Variants in SUSD1 observed in about 807,000 individuals in gnomAD.
SUSD1 encodes the protein sushi domain containing 1.
A neutral mutation model predicts 86.9 loss-of-function variants in SUSD1; 65 were observed. The ratio of observed to expected loss-of-function variants is 0.75; its 90% confidence interval spans 0.61 to 0.92. The LOEUF is 0.92. SUSD1 is among the 40% of genes least tolerant of loss of function. The pLI is 0.00. For missense variants in SUSD1, 850 were observed against 929.7 expected (o/e 0.91, Z 1.11); for synonymous variants, 346 against 350.0 (o/e 0.99, Z 0.13).
chr9:112,146,250 G>A (rs962187863), intron 3 of SUSD1: 1 of 152,226 alleles, frequency 6.6e-6, no homozygotes, highest in African/African-American at 2.4e-5. Context: ...CACAAGGAAA[G>A]GTCATGGGAA....
rs796764272 is a variant in SUSD1, at chr9:112,078,811, C to G, written c.1567-87G>C. 2.8e-4 allele frequency: 182 copies of G among 641,378 alleles called. 6 individuals are homozygous for G. In the African/African-American group the frequency reaches 3.8e-3, roughly 13 times the overall value. The allele number at this position is 641,378 out of a possible 1,614,324, so 39.7% of individuals were successfully genotyped here. A position where few individuals can be genotyped will look rare whatever the true frequency, so the allele number is the denominator to read the frequency against. ...ACCTCCCCTTTTCCTTTTTCTTTCT[C>G]TTTTTTTTTTTTTTTTTTTGAGATG... is the stretch of plus-strand genomic sequence containing the variant. On this transcript the variant is annotated intron_variant, in intron 11 of 16. Coordinates refer to ENST00000374270, the MANE Select transcript of SUSD1 (RefSeq NM_022486.5).
intron 1 of SUSD1, among the ~76,000 whole-genome samples, chr9:112,174,471 C>A (rs1834179793): frequency 6.6e-6 from 1 of 152,168 alleles, no homozygotes; most frequent in Non-Finnish European, 1.5e-5. Flanking sequence ...AAAAACAACT[C>A]CCTCGATTGC....
chr9:112,103,067 C>T (rs539061104), intron 8 of SUSD1: 1 of 397,876 alleles, frequency 2.5e-6, no homozygotes, highest in Non-Finnish European at 5.0e-6. Context: ...AACAAGACTG[C>T]ATGTTTTCTA....
At position 112,149,249 on chromosome 9, in the gene SUSD1, C is replaced by T. The variant is rs769777835; in HGVS notation, c.368G>A (p.Cys123Tyr). 27 of 1,614,132 alleles carry T rather than the reference C, an allele frequency of 1.7e-5. No individual in the cohort carries two copies. In the South Asian group the frequency reaches 1.8e-4, roughly 11 times the overall value. The change falls in exon 3 of 17, where the codon TGT becomes TAT. Residue 123 changes from cysteine (C) to tyrosine (Y), a missense_variant. Transcript: ENST00000374270. ...KTFIPNDGTF[C>Y]TDIDECEVSG... ...GCAGCCCCCTTCTTGAGTACCTGTA[C>T]AAAAGGTGCCATCGTTGGGAATGAA...
chr9:112,041,931 C>T lies in SUSD1; in HGVS notation c.2179G>A (p.Gly727Ser), dbSNP rs780435594. ...ACAGCCAGGGAACCCAGTCCAACACCCGCCATCTGCAGCAGCATGAGTGAC... is the reference window on the plus strand; with the variant it reads ...ACAGCCAGGGAACCCAGTCCAACACTCGCCATCTGCAGCAGCATGAGTGAC... ...DSSLMLLQMAGVGLGSLAVVI... is the reference protein window; with the variant it reads ...DSSLMLLQMASVGLGSLAVVI... The change falls in exon 16 of 17, where the codon GGT becomes AGT. Residue 727 changes from glycine to serine, a missense_variant. Gly to Ser is a moderately conservative substitution (Grantham distance 56, BLOSUM62 0). Coordinates refer to ENST00000374270, the MANE Select transcript of SUSD1 (RefSeq NM_022486.5). The T allele has an allele frequency of 4.6e-5, 74 of 1,613,930 alleles. No individual in the cohort carries two copies. The highest frequency in any genetic ancestry group is 6.1e-5 in the Non-Finnish European group (72 of 1,179,978).
At chr9:112,110,951 T>A (rs1831069893) in intron 8 of SUSD1, among the ~76,000 whole-genome samples, 1 of 152,112 alleles carries the variant, frequency 6.6e-6, no homozygotes, top group Admixed American at 6.6e-5. Context: ...CCCTGGCACC[T>A]CCTCTTTCAC....
chr9:112,112,850 T>C lies in SUSD1; in HGVS notation c.905A>G (p.Asn302Ser). Residue 302 changes from asparagine (N) to serine (S), a missense_variant, in exon 7 of 17, where the codon AAT (asparagine) becomes AGT (serine). Transcript: ENST00000374270. Reference protein sequence around the residue: ...LTCTEILTKINDVSLFNDTCV... With the variant: ...LTCTEILTKISDVSLFNDTCV... ...GGTATCATTAAACAGTGATACATCA[T>C]TAATCTTTGTCAGAATTTCTAAAAG... 6.2e-7 allele frequency: 1 copy of C among 1,611,514 alleles called. No homozygotes were observed. The highest frequency in any genetic ancestry group is 2.2e-5 in the East Asian group (1 of 44,846).
At chr9:112,079,294 A>G (rs897869501) in intron 11 of SUSD1, among the ~76,000 whole-genome samples, 5 of 152,192 alleles carry the variant, frequency 3.3e-5, no homozygotes, top group African/African-American at 1.2e-4. Context: ...TAAGGTCCCA[A>G]TACTGGCAGC....
chr9:112,042,774 C>T (rs1434546703), intron 15 of SUSD1, among the ~76,000 whole-genome samples: 1 of 152,144 alleles, frequency 6.6e-6, no homozygotes. Flanking sequence ...TTATTATTCC[C>T]TTAAGGAACC....
At chr9:112,083,820 G>A (rs1224111676) in intron 10 of SUSD1, among the ~76,000 whole-genome samples, 1 of 152,124 alleles carries the variant, frequency 6.6e-6, no homozygotes, top group Non-Finnish European at 1.5e-5. Context: ...TTTGTTTCCA[G>A]AACTTTCTCG....
At chr9:112,081,056 G>A (rs1388681569) in intron 10 of SUSD1, among the ~76,000 whole-genome samples, 5 of 152,200 alleles carry the variant, frequency 3.3e-5, no homozygotes. Context: ...ACAGTTTAAT[G>A]TGGAGGTACA....
chr9:112,129,640 T>A (rs139276719), intron 5 of SUSD1, among the ~76,000 whole-genome samples: 1 of 152,298 alleles, frequency 6.6e-6, no homozygotes, highest in Admixed American at 6.5e-5. Context: ...ACAAGCATTA[T>A]CTATACTGTT....
intron 7 of SUSD1, 30 bp downstream of exon 7, chr9:112,112,741 T>C: frequency 1.3e-6 from 2 of 1,489,690 alleles, no homozygotes; most frequent in Non-Finnish European, 1.9e-6. Flanking sequence ...GTGTCTGTCC[T>C]AGCAGGAAAA....
At chr9:112,128,513 C>A (rs954176322) in intron 5 of SUSD1, among the ~76,000 whole-genome samples, 76 of 152,122 alleles carry the variant, frequency 5.0e-4, no homozygotes, top group African/African-American at 1.7e-3. Context: ...CCTGCCTCAG[C>A]CTCCTGAGTA....
rs1832625157 is a variant in SUSD1, at chr9:112,142,563, C to G, written c.527-64G>C. 20 of 1,506,584 alleles carry G rather than the reference C, an allele frequency of 1.3e-5. No individual in the cohort carries two copies. The South Asian group carries it at 2.1e-4, about 16-fold the overall frequency. The allele number at this position is 1,506,584 out of a possible 1,614,324, so 93.3% of individuals were successfully genotyped here. On this transcript the variant is annotated intron_variant, in intron 4 of 16. Transcript: ENST00000374270. The stretch of plus-strand genomic sequence containing the variant: ...TGTAAATCTTCAAAATTCACAATCT[C>G]TCTCCACCTCTACCCTATTCCTCAC...
intron 10 of SUSD1, among the ~76,000 whole-genome samples, chr9:112,086,638 G>C (rs1263013126): frequency 6.6e-6 from 1 of 152,068 alleles, no homozygotes; most frequent in Admixed American, 6.6e-5. Context: ...AAGTCCATGA[G>C]TTGTCAGGTA....
At chr9:112,146,096 A>G (rs1832797040) in intron 3 of SUSD1, 1 of 152,246 alleles carries the variant, frequency 6.6e-6, no homozygotes, top group East Asian at 1.9e-4. Context: ...GCAAACAGTG[A>G]CTAACTGCTG....
At chr9:112,093,353 C>T (rs1046903707) in intron 10 of SUSD1, among the ~76,000 whole-genome samples, 3 of 152,194 alleles carry the variant, frequency 2.0e-5, no homozygotes, top group Non-Finnish European at 4.4e-5. Flanking sequence ...CGCCTGTGCA[C>T]AGGTACAAGG....
intron 3 of SUSD1, among the ~76,000 whole-genome samples, chr9:112,147,634 C>G (rs1445712726): frequency 6.6e-6 from 1 of 151,426 alleles, no homozygotes; most frequent in East Asian, 1.9e-4. Flanking sequence ...CCAGTCGTGG[C>G]AGTGCGCACC....
Sources: gnomAD v4.1 joint callset for allele counts (sites outside exome capture counted in the v4.1 genomes callset) on GRCh38, gnomAD v4.1.1 for gene constraint, MANE v1.5 for transcripts, NCBI Gene and HGNC (gene_info 2026-07-23, HGNC 2026-07-21) for gene names.